The following ADCY3 variants were observed in gnomAD, a reference collection of about 807,000 sequenced individuals.
ADCY3 encodes adenylate cyclase 3, also known as adenylate cyclase type 3.
A neutral mutation model predicts 119.4 loss-of-function variants in ADCY3; 70 were observed. The ratio of observed to expected loss-of-function variants is 0.59; its 90% CI spans 0.48 to 0.72. The LOEUF (loss-of-function observed/expected upper bound fraction) is 0.72. Ranked by LOEUF, ADCY3 falls within the 30% of genes least tolerant of loss-of-function variation. ADCY3 has a pLI of 0.00. For synonymous variants in ADCY3, 672 were observed against 621.4 expected (o/e 1.08, Z -1.21); for missense variants, 1,238 against 1,541.6 (o/e 0.80, Z 3.30).
chr2:24,875,216 C>T (rs1207798589), intron 2 of ADCY3, among the ~76,000 whole-genome samples: 1 of 152,210 alleles, frequency 6.6e-6, no homozygotes, highest in African/African-American at 2.4e-5. Flanking sequence ...CTAAAGCACC[C>T]CCAATTCTCT....
chr2:24,820,351 T>TGGC (rs1345088797), intron 21 of ADCY3: 30 of 1,330,826 alleles, frequency 2.3e-5, no homozygotes, highest in Non-Finnish European at 2.8e-5. Context: ...TCTCCTAGGA[T>TGGC]GGCCATGGTC....
At chr2:24,897,789 T>C (rs1558512282) in intron 2 of ADCY3, among the ~76,000 whole-genome samples, 3 of 152,190 alleles carry the variant, frequency 2.0e-5, no homozygotes, top group Admixed American at 6.5e-5. Flanking sequence ...CCTCCGTCTA[T>C]GCTGGCTGAA....
At chr2:24,889,652 C>T (rs371712802) in intron 2 of ADCY3, among the ~76,000 whole-genome samples, 106 of 152,228 alleles carry the variant, frequency 7.0e-4, no homozygotes, top group African/African-American at 2.5e-3. Flanking sequence ...GCCTGGCCAA[C>T]GTGGTGAAAT....
In ADCY3 at chr2:24,918,675, G is replaced by A. The variant is rs767487036; in HGVS notation, c.313C>T (p.Leu105=). 1.1e-5 allele frequency: 18 copies of A among 1,614,118 alleles called. No homozygotes were observed. Among genetic ancestry groups the A allele is most frequent in the Non-Finnish European group, 1.4e-5 (17 of 1,180,012 alleles). ...MCAVVFSSDK[L]ASLAVAGIGL... ...ATTCCAGCCACGGCGAGGGAAGCCA[G>A]CTTGTCGCTGGAGAAGACCACAGCA... The change falls in exon 2 of 22, where the codon CTG becomes TTG. Residue 105 remains leucine, a synonymous_variant. Transcript: ENST00000679454. The surrounding 1 kb of genome is among the most constrained non-coding windows in gnomAD (Gnocchi z 5.4).
At chr2:24,874,415 C>A (rs1675399346) in intron 2 of ADCY3, among the ~76,000 whole-genome samples, 1 of 152,186 alleles carries the variant, frequency 6.6e-6, no homozygotes, top group Admixed American at 6.5e-5. Context: ...TGTCCTCAGG[C>A]CACCCAGTCA....
chr2:24,839,888 G>C lies in ADCY3; in HGVS notation c.1340C>G (p.Ala447Gly). 6.2e-7 allele frequency: 1 copy of C among 1,613,866 alleles called. No individual in the cohort carries two copies. Among genetic ancestry groups the C allele is most frequent in the Non-Finnish European group, 8.5e-7 (1 of 1,180,014 alleles). Residue 447 changes from alanine to glycine, a missense_variant, in exon 7 of 22, where the codon GCC becomes GGC. Transcript: ENST00000679454. ...TGGCACTCACCCAGGGATGCCGCCG[G>C]CCTCCATCTTGTTGGCTACAGTGAC... ...TDVTVANKME[A>G]GGIPGRVHIS...
intron 19 of ADCY3, 53 bp downstream of exon 19, chr2:24,822,458 A>T (rs542854249): frequency 3.9e-5 from 63 of 1,597,682 alleles, no homozygotes; most frequent in Middle Eastern, 3.8e-4. Context: ...TGGGCTGCCA[A>T]TCTCTTGCCT....
At chr2:24,852,482 C>A (rs560301538) in intron 3 of ADCY3, among the ~76,000 whole-genome samples, 1 of 152,112 alleles carries the variant, frequency 6.6e-6, no homozygotes, top group East Asian at 1.9e-4. Context: ...TGGTGGGTCA[C>A]CCGGCCTCCC....
At chr2:24,915,074 G>C (rs1195783272) in intron 2 of ADCY3, among the ~76,000 whole-genome samples, 1 of 152,208 alleles carries the variant, frequency 6.6e-6, no homozygotes, top group Non-Finnish European at 1.5e-5. Flanking sequence ...CATGGGCATG[G>C]GGGGATAAGG....
chr2:24,820,746 G>A lies in ADCY3; in HGVS notation c.3230C>T (p.Thr1077Met), dbSNP rs537915767. ...TVNVASRMES[T>M]GVMGNIQVVE... ...TACCTGAATGTTGCCCATGACCCCC[G>A]TGGACTCCATCCTGCTGGCTACATT... Residue 1077 changes from threonine (T) to methionine (M), a missense_variant, in exon 21 of 22, where the codon ACG (threonine) becomes ATG (methionine). Around this residue, in one of 7 missense-constraint regions of ADCY3, gnomAD observed 43 missense variants for 77.0 expected, o/e 0.56. Coordinates refer to ENST00000679454, the MANE Select transcript of ADCY3 (RefSeq NM_004036.5). The A allele has an allele frequency of 1.2e-6, 2 of 1,614,028 alleles. No homozygotes were observed. The highest frequency in any genetic ancestry group is 1.7e-6 in the Non-Finnish European group (2 of 1,179,976).
chr2:24,876,440 C>T (rs1344690266), intron 2 of ADCY3, among the ~76,000 whole-genome samples: 1 of 152,240 alleles, frequency 6.6e-6, no homozygotes, highest in African/African-American at 2.4e-5. Context: ...ATTTCCACAG[C>T]TTCCATACAC....
intron 2 of ADCY3, among the ~76,000 whole-genome samples, chr2:24,911,174 G>A (rs1049183118): frequency 2.0e-5 from 3 of 147,940 alleles, no homozygotes; most frequent in Non-Finnish European, 4.5e-5. Flanking sequence ...CCCTAACCCC[G>A]TTGGAACTAT....
At position 24,899,902 on chromosome 2, in the gene ADCY3, T is replaced by C. The variant is rs1193253675; in HGVS notation, c.675+18411A>G. Among the ~76,000 whole-genome samples the C allele has an allele frequency of 1.3e-5, 2 of 152,152 alleles. No homozygotes were observed. Among genetic ancestry groups the C allele is most frequent in the African/African-American group, 4.8e-5 (2 of 41,442 alleles). On this transcript the variant is annotated intron_variant, in intron 2 of 21. Transcript: ENST00000679454. This position sits in a 1 kb window ranked among gnomAD's most constrained non-coding sequence, Gnocchi z 4.5. ...CACTTTTATTCTTTGTACTCCTGTC[T>C]AGGTTGAATTATTTTCTTACAATAG...
intron 3 of ADCY3, among the ~76,000 whole-genome samples, chr2:24,852,337 G>T (rs1672406334): frequency 1.3e-5 from 2 of 152,208 alleles, no homozygotes; most frequent in Admixed American, 1.3e-4. Context: ...ACCAGGCAGG[G>T]GTGGGGGGTA....
Position 24,834,931 on chromosome 2 carries a change from G to A in ADCY3, c.1668C>T (p.Asp556=), listed in dbSNP as rs764165360. The change falls in exon 10 of 22, where the codon GAC becomes GAT. Residue 556 remains aspartate (D), a synonymous_variant. Coordinates refer to ENST00000679454, the MANE Select transcript of ADCY3 (RefSeq NM_004036.5). This position sits in a 1 kb window ranked among gnomAD's most constrained non-coding sequence, Gnocchi z 4.2. ...GGCGTGGGTTGGGGAATGAGGGGTT[G>A]TCGGCCTGTGAGCCAGGGAGGCAGC... The part of the protein sequence containing the change: ...EKPEEQDAQA[D]NPSFPNPRRR... 6.2e-7 allele frequency: 1 copy of A among 1,613,312 alleles called. No homozygotes were observed. The highest frequency in any genetic ancestry group is 8.5e-7 in the Non-Finnish European group (1 of 1,179,838).
At chr2:24,887,190 G>A (rs1028966784) in intron 2 of ADCY3, among the ~76,000 whole-genome samples, 8 of 152,158 alleles carry the variant, frequency 5.3e-5, no homozygotes, top group African/African-American at 1.9e-4. Flanking sequence ...CGTGCCGAGC[G>A]AAAGGGGAAG....
Position 24,842,748 on chromosome 2 carries a change from G to C in ADCY3, c.826-364C>G, listed in dbSNP as rs560553500. Among the ~76,000 whole-genome samples, 241 of 152,300 alleles carry C rather than the reference G, an allele frequency of 1.6e-3. No homozygotes were observed. Among genetic ancestry groups the C allele is most frequent in the Middle Eastern group, 3.4e-3 (1 of 294 alleles). ...GCAGGAGCCCTGCGGGGTCACCTCA[G>C]CCACCCGCCACGGCTGCACAGAGCC... On this transcript the variant is annotated intron_variant, in intron 3 of 21. Coordinates refer to ENST00000679454, the MANE Select transcript of ADCY3 (RefSeq NM_004036.5). This position sits in a 1 kb window ranked among gnomAD's most constrained non-coding sequence, Gnocchi z 4.9.
At chr2:24,864,244 G>A (rs190963324) in intron 3 of ADCY3, among the ~76,000 whole-genome samples, 73 of 152,204 alleles carry the variant, frequency 4.8e-4, no homozygotes, top group Non-Finnish European at 8.8e-4. Context: ...AGCTGAGATC[G>A]CACCACTGCA....
intron 3 of ADCY3, among the ~76,000 whole-genome samples, chr2:24,849,946 CAGT>C (rs1247188821): frequency 1.3e-5 from 2 of 152,174 alleles, no homozygotes; most frequent in African/African-American, 4.8e-5. Context: ...CCAGCACCCT[CAGT>C]GGTGGCACTG....
Sources: allele counts gnomAD v4.1 joint callset (sites outside exome capture counted in the v4.1 genomes callset), GRCh38; gene constraint gnomAD v4.1.1; regional missense constraint gnomAD v4.1.1; non-coding constraint Gnocchi (gnomAD v3.1); transcripts MANE v1.5; gene names NCBI Gene and HGNC (gene_info 2026-07-23, HGNC 2026-07-21).